PPP2R5E: variants seen among roughly 807,000 people sequenced by gnomAD.
PPP2R5E encodes the protein serine/threonine-protein phosphatase 2A 56 kDa regulatory subunit epsilon isoform.
Under a neutral mutation model 65.3 loss-of-function variants are expected in PPP2R5E, and 4 were observed. The ratio of observed to expected loss-of-function variants is 0.06; its 90% CI spans 0.03 to 0.14. The LOEUF (loss-of-function observed/expected upper bound fraction) is 0.14. PPP2R5E is among the 10% of genes least tolerant of loss of function. The pLI is 1.00. For missense variants in PPP2R5E, 274 were observed against 556.1 expected (o/e 0.49, Z 5.10); for synonymous variants, 183 against 187.4 (o/e 0.98, Z 0.19).
chr14:63,403,795 GA>G (rs561489540), intron 5 of PPP2R5E, among the ~76,000 whole-genome samples: 14 of 145,514 alleles, frequency 9.6e-5, no homozygotes, highest in Admixed American at 2.0e-4. Flanking sequence ...GTTAAAAAAA[GA>G]AAAAAAAAAG....
chr14:63,424,435 T>C (rs549504842), intron 3 of PPP2R5E, among the ~76,000 whole-genome samples: 4 of 151,788 alleles, frequency 2.6e-5, no homozygotes, highest in Admixed American at 2.6e-4. Context: ...AGGGATCACC[T>C]TGGAAAGGAG....
At chr14:63,445,086 AG>A (rs1888408786) in intron 3 of PPP2R5E, among the ~76,000 whole-genome samples, 1 of 152,334 alleles carries the variant, frequency 6.6e-6, no homozygotes, top group Non-Finnish European at 1.5e-5. Flanking sequence ...GAAGAAACTG[AG>A]GCTTAGAGAG....
intron 5 of PPP2R5E, among the ~76,000 whole-genome samples, chr14:63,399,467 C>A (rs909412616): frequency 5.5e-5 from 8 of 145,208 alleles, no homozygotes; most frequent in Admixed American, 4.2e-4. Context: ...GAAACCTCCG[C>A]CTTCCGGGTT....
At chr14:63,407,465 G>A (rs1038243646) in intron 5 of PPP2R5E, among the ~76,000 whole-genome samples, 8 of 152,048 alleles carry the variant, frequency 5.3e-5, no homozygotes, top group Non-Finnish European at 8.8e-5. Context: ...AATCAGCTGA[G>A]GTTTATGAAA....
At chr14:63,386,259 A>C (rs947313550) in intron 11 of PPP2R5E, among the ~76,000 whole-genome samples, 1 of 152,186 alleles carries the variant, frequency 6.6e-6, no homozygotes, top group Admixed American at 6.5e-5. Context: ...TCATTACTGC[A>C]TGTTCACTAT....
chr14:63,470,756 G>A (rs1322981573), intron 2 of PPP2R5E, among the ~76,000 whole-genome samples: 7 of 146,080 alleles, frequency 4.8e-5, no homozygotes, highest in Non-Finnish European at 1.5e-5. Context: ...GAGCACAATG[G>A]CTCACACCTA....
rs374189416 is a variant in PPP2R5E at position 63,384,480 on chromosome 14, G to C, written c.1166C>G (p.Ser389Cys). ...NSNVILPIMF[S>C]SLYRISKEHW... ...TTCTTTTGAAATCCTATAAAGGCTGGAAAACATGATGGGAAGGATGACGTT... is the reference window on the plus strand; with the variant it reads ...TTCTTTTGAAATCCTATAAAGGCTGCAAAACATGATGGGAAGGATGACGTT... The change falls in exon 12 of 14, where the codon TCC becomes TGC. Residue 389 changes from serine to cysteine, a missense_variant. Physicochemically the swap from Ser to Cys is moderately radical, Grantham distance 112. Coordinates refer to ENST00000337537, the MANE Select transcript of PPP2R5E (RefSeq NM_006246.5). 7.4e-6 allele frequency: 12 copies of C among 1,613,672 alleles called. No individual in the cohort carries two copies. Among genetic ancestry groups the C allele is most frequent in the African/African-American group, 1.3e-5 (1 of 74,884 alleles).
At chr14:63,485,691 G>C (rs985445887) in intron 2 of PPP2R5E, among the ~76,000 whole-genome samples, 1 of 152,020 alleles carries the variant, frequency 6.6e-6, no homozygotes, top group Non-Finnish European at 1.5e-5. Flanking sequence ...TGAGATTACA[G>C]GCATGAGACA....
intron 2 of PPP2R5E, among the ~76,000 whole-genome samples, chr14:63,513,526 G>A (rs180859436): frequency 6.6e-6 from 1 of 152,220 alleles, no homozygotes; most frequent in Admixed American, 6.5e-5. Flanking sequence ...TAAAAACATG[G>A]AGAACCTAAA....
chr14:63,391,927 A>G, intron 9 of PPP2R5E, 45 bp downstream of exon 9: 8 of 1,604,824 alleles, frequency 5.0e-6, no homozygotes, highest in Non-Finnish European at 6.8e-6. Context: ...CTTCTGGGAA[A>G]GGTAATTTTT....
At chr14:63,395,327 G>A (rs1199746402) in intron 6 of PPP2R5E, 42 bp from the exon 7 acceptor site, 1 of 1,410,494 alleles carries the variant, frequency 7.1e-7, no homozygotes, top group East Asian at 2.3e-5. Context: ...GAGGAGAGGA[G>A]GAGGAGAAGG....
intron 2 of PPP2R5E, among the ~76,000 whole-genome samples, chr14:63,457,711 G>A (rs1383218407): frequency 6.6e-6 from 1 of 152,128 alleles, no homozygotes; most frequent in Non-Finnish European, 1.5e-5. Flanking sequence ...CAATCAATAA[G>A]CGGTTATGTA....
At chr14:63,515,183 T>C (rs1343465883) in intron 2 of PPP2R5E, among the ~76,000 whole-genome samples, 3 of 152,078 alleles carry the variant, frequency 2.0e-5, no homozygotes, top group African/African-American at 4.8e-5. Flanking sequence ...TGTTAACAGA[T>C]GGGAGAAAAT....
chr14:63,517,870 A>C (rs1221932273), intron 2 of PPP2R5E, among the ~76,000 whole-genome samples: 1 of 152,176 alleles, frequency 6.6e-6, no homozygotes, highest in Non-Finnish European at 1.5e-5. Flanking sequence ...AATGAACTTC[A>C]GTTGGTACTG....
At chr14:63,384,652 G>T in intron 11 of PPP2R5E, 81 bp from the exon 12 acceptor site, 1 of 1,231,546 alleles carries the variant, frequency 8.1e-7, no homozygotes, top group East Asian at 2.4e-5. Flanking sequence ...CCAAACAAAA[G>T]TATTTCAAAA....
chr14:63,418,374 A>G (rs1951211), intron 4 of PPP2R5E, among the ~76,000 whole-genome samples: 2,026 of 152,348 alleles, frequency 0.013, 75 homozygotes, highest in East Asian at 0.13. Flanking sequence ...ACTTGAAAGC[A>G]GTTATGGTCT....
At chr14:63,483,714 C>T (rs556390566) in intron 2 of PPP2R5E, among the ~76,000 whole-genome samples, 20 of 152,150 alleles carry the variant, frequency 1.3e-4, no homozygotes, top group East Asian at 1.2e-3. Flanking sequence ...GAGACAGAGA[C>T]GTATTGACAT....
At chr14:63,505,057 G>A (rs918835086) in intron 2 of PPP2R5E, among the ~76,000 whole-genome samples, 1 of 152,006 alleles carries the variant, frequency 6.6e-6, no homozygotes, top group Non-Finnish European at 1.5e-5. Flanking sequence ...AAGACCGGCC[G>A]GGCGTGGTGG....
chr14:63,395,172 T>C lies in PPP2R5E; in HGVS notation c.740+54A>G, dbSNP rs548249485. ...AGCATCTCTTGGTGCCACCTGAACC[T>C]AATTTTTAAAATAATATTCATCTGA... On this transcript the variant is annotated intron_variant, in intron 7 of 13. Coordinates refer to ENST00000337537, the MANE Select transcript of PPP2R5E (RefSeq NM_006246.5). 2.7e-6 allele frequency: 4 copies of C among 1,495,192 alleles called. No individual in the cohort carries two copies. The African/African-American group carries it at 4.1e-5, about 15-fold the overall frequency. 92.6% of individuals were successfully genotyped at this position (1,495,192 alleles called of 1,614,324 possible).
Sources: allele counts gnomAD v4.1 joint callset (sites outside exome capture counted in the v4.1 genomes callset), GRCh38; gene constraint gnomAD v4.1.1; transcripts MANE v1.5; gene names NCBI Gene and HGNC (gene_info 2026-07-23, HGNC 2026-07-21).